The following ATP9B variants were observed in gnomAD, a reference collection of about 807,000 sequenced individuals.
ATP9B encodes the protein probable phospholipid-transporting ATPase IIB.
In ATP9B, 110 loss-of-function variants were observed where a neutral mutation model predicts 146.1. The observed-to-expected ratio is 0.75, with a 90% CI of 0.65 to 0.88. The LOEUF (loss-of-function observed/expected upper bound fraction) is 0.88, where lower values mean the gene tolerates loss of function less well. ATP9B is among the 40% of genes least tolerant of loss of function. The probability of loss-of-function intolerance (pLI) is 0.00; values close to 1 mark genes in which losing one functional copy is unlikely to be tolerated. For synonymous variants in ATP9B, 604 were observed against 569.7 expected (o/e 1.06, Z -0.86); for missense variants, 1,499 against 1,496.4 (o/e 1.00, Z -0.03).
chr18:79,157,207 TACACAC>T (rs147810207), intron 7 of ATP9B, among the ~76,000 whole-genome samples: 2,402 of 135,316 alleles, frequency 0.018, 53 homozygotes, highest in African/African-American at 0.053. Flanking sequence ...CTAAAAAAAA[TACACAC>T]ACACACACAC....
At chr18:79,324,499 CCA>C (rs1335409381) in intron 15 of ATP9B, among the ~76,000 whole-genome samples, 1 of 152,016 alleles carries the variant, frequency 6.6e-6, no homozygotes, top group African/African-American at 2.4e-5. Context: ...TTCAGTCCAC[CCA>C]CAGATACAGA....
chr18:79,294,634 T>TA (rs1555817297), intron 13 of ATP9B, among the ~76,000 whole-genome samples: 1 of 152,242 alleles, frequency 6.6e-6, no homozygotes, highest in African/African-American at 2.4e-5. Context: ...ACAAGCAGTG[T>TA]AAAAAACTAT....
At chr18:79,209,258 T>C (rs1437005154) in intron 10 of ATP9B, among the ~76,000 whole-genome samples, 1 of 152,246 alleles carries the variant, frequency 6.6e-6, no homozygotes, top group Non-Finnish European at 1.5e-5. Flanking sequence ...AGCTGACACA[T>C]GGGGAGAAGA....
intron 1 of ATP9B, among the ~76,000 whole-genome samples, chr18:79,094,550 C>T (rs775027651): frequency 1.1e-4 from 17 of 152,104 alleles, no homozygotes; most frequent in Non-Finnish European, 2.1e-4. Context: ...CCCTTGCTCT[C>T]ATAGAAGGTG....
chr18:79,259,624 G>C (rs964837295), intron 12 of ATP9B, among the ~76,000 whole-genome samples: 2 of 152,198 alleles, frequency 1.3e-5, no homozygotes, highest in African/African-American at 2.4e-5. Flanking sequence ...AACCCAGTGA[G>C]CGTGGGGATG....
chr18:79,349,757 T>C (rs7231473), intron 25 of ATP9B, among the ~76,000 whole-genome samples: 136,359 of 152,102 alleles, frequency 0.9, 61,288 homozygotes, highest in East Asian at 1. Flanking sequence ...TGCACAGAGC[T>C]GGCACTTGGG....
At chr18:79,142,573 G>A (rs1452318897) in intron 5 of ATP9B, among the ~76,000 whole-genome samples, 1 of 152,130 alleles carries the variant, frequency 6.6e-6, no homozygotes, top group Non-Finnish European at 1.5e-5. Context: ...AGTGGGGGAG[G>A]AGGCCTGAAG....
chr18:79,182,418 A>G (rs2095261808), intron 8 of ATP9B, among the ~76,000 whole-genome samples: 1 of 152,200 alleles, frequency 6.6e-6, no homozygotes, highest in Non-Finnish European at 1.5e-5. Context: ...AGTATTTTGC[A>G]AATGCTAGCT....
chr18:79,303,784 T>C, intron 14 of ATP9B, 68 bp downstream of exon 14: 1 of 1,132,506 alleles, frequency 8.8e-7, no homozygotes. Flanking sequence ...CAGCTGAGCC[T>C]CGTGTGTTCC....
intron 4 of ATP9B, among the ~76,000 whole-genome samples, chr18:79,123,045 C>T (rs2094216191): frequency 6.6e-6 from 1 of 151,974 alleles, no homozygotes; most frequent in African/African-American, 2.4e-5. Context: ...GTGTTTGCTC[C>T]CACCAGTTCT....
At chr18:79,203,262 AG>A (rs1295540218) in intron 9 of ATP9B, among the ~76,000 whole-genome samples, 1 of 148,068 alleles carries the variant, frequency 6.8e-6, no homozygotes, top group African/African-American at 2.5e-5. Flanking sequence ...AGAGGCAGGA[AG>A]CTTAGAGTAA....
intron 8 of ATP9B, among the ~76,000 whole-genome samples, chr18:79,179,823 TA>T (rs549826555): frequency 1.1e-4 from 16 of 152,320 alleles, no homozygotes; most frequent in Middle Eastern, 6.8e-3. Context: ...AAGTGTTGTT[TA>T]AAAAAGTTTT....
intron 1 of ATP9B, among the ~76,000 whole-genome samples, chr18:79,072,931 G>A (rs959637318): frequency 1.3e-4 from 20 of 151,594 alleles, no homozygotes; most frequent in Admixed American, 8.5e-4. Context: ...CCGGGCAGAG[G>A]CGCTCGTCAC....
At chr18:79,097,905 C>G (rs1427924492) in intron 2 of ATP9B, among the ~76,000 whole-genome samples, 1 of 151,264 alleles carries the variant, frequency 6.6e-6, no homozygotes, top group African/African-American at 2.4e-5. Context: ...AATGGGATGG[C>G]TGGGTCAAAT....
intron 16 of ATP9B, among the ~76,000 whole-genome samples, 176 bp from the exon 17 acceptor site, chr18:79,329,836 A>T (rs1030148598): frequency 2.3e-4 from 35 of 152,356 alleles, no homozygotes; most frequent in African/African-American, 7.7e-4. Flanking sequence ...TCCTGATTGC[A>T]CTATTGCTGA....
chr18:79,268,627 A>G (rs973142676), intron 12 of ATP9B, among the ~76,000 whole-genome samples: 7 of 152,118 alleles, frequency 4.6e-5, no homozygotes, highest in African/African-American at 1.7e-4. Flanking sequence ...TTTGTCATTT[A>G]TTTTAATTCT....
chr18:79,163,101 T>C (rs1263605447), intron 7 of ATP9B, among the ~76,000 whole-genome samples: 2 of 152,254 alleles, frequency 1.3e-5, no homozygotes, highest in Non-Finnish European at 2.9e-5. Context: ...GAGTGCTTTC[T>C]GTTAAAAAAT....
chr18:79,320,626 G>A (rs1426490433), intron 15 of ATP9B, among the ~76,000 whole-genome samples: 1 of 152,212 alleles, frequency 6.6e-6, no homozygotes, highest in Non-Finnish European at 1.5e-5. Context: ...CTGAAGTTGG[G>A]AGTTGAAATG....
At chr18:79,244,326 T>C (rs1252642941) in intron 11 of ATP9B, among the ~76,000 whole-genome samples, 2 of 152,222 alleles carry the variant, frequency 1.3e-5, no homozygotes, top group Non-Finnish European at 2.9e-5. Context: ...ATTTTTCTCT[T>C]CTGAATCACA....
Sources: gnomAD v4.1 joint callset for allele counts (sites outside exome capture counted in the v4.1 genomes callset) on GRCh38, gnomAD v4.1.1 for gene constraint, MANE v1.5 for transcripts, NCBI Gene and HGNC (gene_info 2026-07-23, HGNC 2026-07-21) for gene names.